Variants in TCF4 observed in about 807,000 individuals in gnomAD.
The protein encoded by TCF4 is transcription factor 4, also known as SL3-3 enhancer factor 2.
A neutral mutation model predicts 82.1 loss-of-function variants in TCF4; 3 were observed. The ratio of observed to expected loss-of-function variants is 0.04; its 90% CI spans 0.02 to 0.09. TCF4 has a LOEUF of 0.09. TCF4 is among the 10% of genes least tolerant of loss of function. The pLI is 1.00. For synonymous variants in TCF4, 276 were observed against 309.6 expected (o/e 0.89, Z 1.14); for missense variants, 518 against 852.7 (o/e 0.61, Z 4.89).
At chr18:55,335,194 TA>T (rs1222178417) in intron 8 of TCF4, among the ~76,000 whole-genome samples, 13 of 152,216 alleles carry the variant, frequency 8.5e-5, no homozygotes, top group Admixed American at 8.5e-4. Context: ...ATCATTTACA[TA>T]CCATATGCCC....
chr18:55,249,207 T>C (rs1456553391), intron 15 of TCF4, among the ~76,000 whole-genome samples: 1 of 152,166 alleles, frequency 6.6e-6, no homozygotes, highest in African/African-American at 2.4e-5. Flanking sequence ...GAAAACTAAC[T>C]GAAGTTGTTT....
intron 8 of TCF4, among the ~76,000 whole-genome samples, chr18:55,289,288 C>T (rs149848319): frequency 4.6e-5 from 7 of 152,248 alleles, no homozygotes; most frequent in East Asian, 3.9e-4. Context: ...TAAAAGACTG[C>T]GGATGCTAAG....
chr18:55,489,944 G>A (rs1365134387), intron 3 of TCF4, among the ~76,000 whole-genome samples: 1 of 152,178 alleles, frequency 6.6e-6, no homozygotes, highest in Non-Finnish European at 1.5e-5. Context: ...GTGGTTCTGA[G>A]CATTATTTGA....
intron 3 of TCF4, among the ~76,000 whole-genome samples, chr18:55,581,184 A>G (rs1428756233): frequency 6.6e-6 from 1 of 152,064 alleles, no homozygotes; most frequent in Non-Finnish European, 1.5e-5. Flanking sequence ...CTCAAGCCCC[A>G]TTACGCAGTA....
chr18:55,617,225 C>A (rs183218231), intron 2 of TCF4, among the ~76,000 whole-genome samples: 1 of 152,122 alleles, frequency 6.6e-6, no homozygotes, highest in Admixed American at 6.5e-5. Context: ...TTTGTTGGCA[C>A]CCTTGTTAAA....
chr18:55,369,545 T>A (rs1013534787), intron 6 of TCF4, among the ~76,000 whole-genome samples: 1 of 152,184 alleles, frequency 6.6e-6, no homozygotes, highest in African/African-American at 2.4e-5. Flanking sequence ...AGGTAGCACA[T>A]GACAGTCCTT....
intron 6 of TCF4, among the ~76,000 whole-genome samples, chr18:55,372,781 G>A (rs2089664512): frequency 6.6e-6 from 1 of 152,134 alleles, no homozygotes; most frequent in African/African-American, 2.4e-5. Flanking sequence ...ACCTCAACAT[G>A]AGAGGTAAAG....
intron 5 of TCF4, among the ~76,000 whole-genome samples, chr18:55,440,605 C>A (rs543427151): frequency 8.9e-4 from 135 of 152,296 alleles, no homozygotes; most frequent in African/African-American, 3.2e-3. Flanking sequence ...CAGGCCCCTT[C>A]TTCAGGTACT....
intron 11 of TCF4, chr18:55,267,030 C>CTT (rs1307378031): frequency 2.0e-5 from 3 of 152,140 alleles, no homozygotes; most frequent in African/African-American, 7.2e-5. Context: ...AAGCAGCTTC[C>CTT]TAAGACATCA....
chr18:55,269,381 G>C (rs2059864240), intron 11 of TCF4: 1 of 241,380 alleles, frequency 4.1e-6, no homozygotes, highest in South Asian at 6.1e-5. Flanking sequence ...GCAGTCACCT[G>C]AGAATTTCAC....
intron 2 of TCF4, among the ~76,000 whole-genome samples, chr18:55,624,589 A>G (rs2097724680): frequency 6.6e-6 from 1 of 151,768 alleles, no homozygotes; most frequent in African/African-American, 2.4e-5. Flanking sequence ...AAAAAAAAAA[A>G]AAAAGAATAG....
chr18:55,514,588 C>T (rs1017067958), intron 3 of TCF4, among the ~76,000 whole-genome samples: 2 of 152,156 alleles, frequency 1.3e-5, no homozygotes, highest in Non-Finnish European at 2.9e-5. Flanking sequence ...AAATACACAG[C>T]TGCTGATTAT....
At chr18:55,409,405 A>C (rs1235982877) in intron 5 of TCF4, among the ~76,000 whole-genome samples, 1 of 152,058 alleles carries the variant, frequency 6.6e-6, no homozygotes, top group Non-Finnish European at 1.5e-5. Flanking sequence ...ATGGGGTCTC[A>C]CTATGTTACC....
At chr18:55,535,834 A>G (rs1334688155) in intron 3 of TCF4, among the ~76,000 whole-genome samples, 1 of 152,230 alleles carries the variant, frequency 6.6e-6, no homozygotes. Flanking sequence ...AAATAGCTGT[A>G]AAACAACATG....
intron 8 of TCF4, among the ~76,000 whole-genome samples, chr18:55,281,859 C>T (rs2062676258): frequency 6.6e-6 from 1 of 151,882 alleles, no homozygotes; most frequent in Admixed American, 6.6e-5. Context: ...AGGTCACTTA[C>T]TCCAAATTCA....
chr18:55,429,399 T>A (rs913428816), intron 5 of TCF4, among the ~76,000 whole-genome samples: 5 of 152,134 alleles, frequency 3.3e-5, no homozygotes, highest in African/African-American at 1.2e-4. Context: ...ATGTACTAGG[T>A]GAAATATCAG....
chr18:55,339,107 T>C (rs1047639420), intron 8 of TCF4, among the ~76,000 whole-genome samples: 1 of 152,210 alleles, frequency 6.6e-6, no homozygotes, highest in Non-Finnish European at 1.5e-5. Context: ...CGACACACTT[T>C]ACCCTGAGTA....
At position 55,351,005 on chromosome 18, in the gene TCF4, T is replaced by C; in HGVS notation, c.370-2A>G. 6.2e-7 allele frequency: 1 copy of C among 1,613,128 alleles called. No individual in the cohort carries two copies. Among genetic ancestry groups the C allele is most frequent in the Non-Finnish European group, 8.5e-7 (1 of 1,179,308 alleles). ...CATGTCACCTCCAAGGAGACTCTGCTAAAAGGTTAAAAAGGGAAAACAAAC... is the reference window on the plus strand; with the variant it reads ...CATGTCACCTCCAAGGAGACTCTGCCAAAAGGTTAAAAAGGGAAAACAAAC... On this transcript the variant is annotated splice_acceptor_variant, in intron 6 of 19. Transcript: ENST00000354452. LOFTEE classifies it high-confidence loss of function.
chr18:55,230,260 A>C (rs1288907954), intron 17 of TCF4: 1 of 152,138 alleles, frequency 6.6e-6, no homozygotes, highest in Non-Finnish European at 1.5e-5. Context: ...AAAAGATAAG[A>C]TCGGTTCTGT....
Sources: allele counts gnomAD v4.1 joint callset (sites outside exome capture counted in the v4.1 genomes callset), GRCh38; gene constraint gnomAD v4.1.1; transcripts MANE v1.5; gene names NCBI Gene and HGNC (gene_info 2026-07-23, HGNC 2026-07-21).